EYS: variants seen among roughly 807,000 people sequenced by gnomAD.
The protein encoded by EYS is EGF-like photoreceptor maintenance factor.
A neutral mutation model predicts 282.1 loss-of-function variants in EYS; 250 were observed. The observed-to-expected ratio is 0.89, with a 90% confidence interval of 0.80 to 0.98. The LOEUF (loss-of-function observed/expected upper bound fraction) is 0.98. Ranked by LOEUF, EYS falls within the 50% of genes least tolerant of loss-of-function variation. EYS has a pLI of 0.00. For synonymous variants in EYS, 1,355 were observed against 1,282.9 expected (o/e 1.06, Z -1.20); for missense variants, 4,016 against 3,709.0 (o/e 1.08, Z -2.15).
intron 29 of EYS, among the ~76,000 whole-genome samples, chr6:64,347,429 G>A (rs927589799): frequency 1.3e-5 from 2 of 151,318 alleles, no homozygotes; most frequent in Non-Finnish European, 3.0e-5. Flanking sequence ...TCTGATCTTT[G>A]AGGTATGTTT....
intron 13 of EYS, among the ~76,000 whole-genome samples, chr6:65,050,607 C>A (rs1362952600): frequency 1.3e-5 from 2 of 151,450 alleles, no homozygotes; most frequent in African/African-American, 4.8e-5. Context: ...GTTTGGGTAG[C>A]CCAGCCAAAA....
intron 29 of EYS, among the ~76,000 whole-genome samples, chr6:64,310,771 AAAAAG>A (rs1443721558): frequency 1.0e-5 from 1 of 96,500 alleles, no homozygotes; most frequent in Non-Finnish European, 2.7e-5. Context: ...AAAGGTGAAA[AAAAAG>A]AGAGAGAGAG....
rs1210835617 is a variant in EYS at position 65,213,635 on chromosome 6, A to G, written c.2023+82228T>C. On this transcript the variant is annotated intron_variant, in intron 12 of 42. Coordinates refer to ENST00000503581, the MANE Select transcript of EYS (RefSeq NM_001142800.2). ...TCAAATTGCCACAAACTACAACCAC[A>G]TAAGTCAGATAACTTAATTGCTAAA... 2.6e-5 allele frequency among the ~76,000 whole-genome samples: 4 copies of G among 152,182 alleles called. No homozygotes were observed. The East Asian group carries it at 5.8e-4, about 22-fold the overall frequency.
intron 14 of EYS, among the ~76,000 whole-genome samples, chr6:64,966,509 G>A (rs572253485): frequency 6.6e-5 from 10 of 152,250 alleles, no homozygotes; most frequent in African/African-American, 2.4e-4. Flanking sequence ...CTTTATGTGA[G>A]GACGAAAACA....
chr6:64,756,871 A>G (rs1016852155), intron 22 of EYS, among the ~76,000 whole-genome samples: 2 of 150,128 alleles, frequency 1.3e-5, no homozygotes, highest in African/African-American at 4.9e-5. Context: ...ATTTAAAAAT[A>G]CAAAGCATCA....
chr6:64,862,694 C>A (rs1466145310), intron 19 of EYS, among the ~76,000 whole-genome samples: 1 of 144,658 alleles, frequency 6.9e-6, no homozygotes, highest in East Asian at 2.2e-4. Flanking sequence ...TATTTTTTTG[C>A]AACTTCTATT....
At chr6:64,096,289 T>A (rs559355728) in intron 31 of EYS, among the ~76,000 whole-genome samples, 72 of 152,334 alleles carry the variant, frequency 4.7e-4, no homozygotes, top group African/African-American at 1.7e-3. Context: ...TGAATTTGAA[T>A]GTTGGCCTGC....
At chr6:64,445,130 A>G (rs1775078150) in intron 26 of EYS, among the ~76,000 whole-genome samples, 1 of 152,224 alleles carries the variant, frequency 6.6e-6, no homozygotes, top group Admixed American at 6.5e-5. Context: ...AGTTAAATAT[A>G]GATTTTAAAA....
At chr6:64,985,772 A>T (rs562506806) in intron 14 of EYS, among the ~76,000 whole-genome samples, 1 of 151,634 alleles carries the variant, frequency 6.6e-6, no homozygotes, top group Admixed American at 6.6e-5. Flanking sequence ...TGAATCTGGC[A>T]ATCTTAGACT....
intron 12 of EYS, among the ~76,000 whole-genome samples, chr6:65,239,219 T>G (rs540914227): frequency 6.6e-6 from 1 of 152,152 alleles, no homozygotes; most frequent in Non-Finnish European, 1.5e-5. Flanking sequence ...TCCTAATCAT[T>G]TATTTGAAAT....
chr6:64,126,818 C>T (rs1773801862), intron 31 of EYS, among the ~76,000 whole-genome samples: 1 of 151,420 alleles, frequency 6.6e-6, no homozygotes. Context: ...AATATATATA[C>T]ACATATATTT....
At chr6:65,264,608 T>C (rs1462407039) in intron 12 of EYS, among the ~76,000 whole-genome samples, 2 of 151,962 alleles carry the variant, frequency 1.3e-5, no homozygotes, top group Non-Finnish European at 2.9e-5. Context: ...AAAAGAAAAA[T>C]AGAAAATAAA....
intron 12 of EYS, among the ~76,000 whole-genome samples, chr6:65,150,016 A>C (rs1764573440): frequency 6.6e-6 from 1 of 152,064 alleles, no homozygotes; most frequent in Non-Finnish European, 1.5e-5. Context: ...CAAAACCATC[A>C]GATCTCAGGA....
intron 30 of EYS, among the ~76,000 whole-genome samples, chr6:64,233,415 T>C (rs1044756989): frequency 6.6e-6 from 1 of 152,226 alleles, no homozygotes; most frequent in African/African-American, 2.4e-5. Flanking sequence ...ATTTGTTATA[T>C]ATTTAAAAAG....
chr6:63,873,163 C>G (rs1487614625), intron 35 of EYS, among the ~76,000 whole-genome samples: 2 of 140,510 alleles, frequency 1.4e-5, no homozygotes, highest in African/African-American at 2.6e-5. Context: ...TCCCTACACC[C>G]CATGACAGGA....
At chr6:64,006,721 A>C (rs1250603965) in intron 33 of EYS, among the ~76,000 whole-genome samples, 1 of 152,116 alleles carries the variant, frequency 6.6e-6, no homozygotes, top group Non-Finnish European at 1.5e-5. Flanking sequence ...GTTGAATTTT[A>C]TCGAAAGCCT....
chr6:65,373,859 G>A (rs141706756), intron 8 of EYS, among the ~76,000 whole-genome samples: 6 of 151,690 alleles, frequency 4.0e-5, no homozygotes, highest in Middle Eastern at 3.4e-3. Flanking sequence ...AATTATTACC[G>A]GTTGAAAAAT....
At chr6:64,535,848 A>AT (rs1011996257) in intron 26 of EYS, among the ~76,000 whole-genome samples, 24 of 152,144 alleles carry the variant, frequency 1.6e-4, no homozygotes, top group South Asian at 6.2e-4. Flanking sequence ...GTAGTTAACC[A>AT]TTTTTTTGTC....
rs201742627 is a variant in EYS at position 64,446,975 on chromosome 6, ATG to A, written c.5645-7625_5645-7624del. 3.8e-3 allele frequency among the ~76,000 whole-genome samples: 473 copies of A among 123,632 alleles called. 7 individuals carry two copies. Among genetic ancestry groups the A allele is most frequent in the Non-Finnish European group, 6.1e-3 (346 of 56,404 alleles). 81.1% of individuals were successfully genotyped at this position (123,632 alleles called of 152,430 possible). The stretch of plus-strand genomic sequence containing the variant: ...AAACAATAATGGAAATGTATAATGT[ATG>A]TGTGTGTGTGGGGGGGGGGTGCTCA... On this transcript the variant is annotated intron_variant, in intron 26 of 42. Transcript: ENST00000503581.
Sources: allele counts gnomAD v4.1 joint callset (sites outside exome capture counted in the v4.1 genomes callset), GRCh38; gene constraint gnomAD v4.1.1; transcripts MANE v1.5; gene names NCBI Gene and HGNC (gene_info 2026-07-23, HGNC 2026-07-21).